KCNAB1: variants seen among roughly 807,000 people sequenced by gnomAD.
KCNAB1 encodes voltage-gated potassium channel subunit beta-1.
Under a neutral mutation model 64.6 loss-of-function variants are expected in KCNAB1, and 35 were observed. The observed-to-expected ratio is 0.54, with a 90% CI of 0.41 to 0.72. The LOEUF is 0.72. KCNAB1 is among the 30% of genes least tolerant of loss of function. The pLI is 0.00. For synonymous variants in KCNAB1, 177 were observed against 183.8 expected (o/e 0.96, Z 0.30); for missense variants, 401 against 512.9 (o/e 0.78, Z 2.11).
intron 11 of KCNAB1, among the ~76,000 whole-genome samples, chr3:156,522,811 T>C (rs1470036397): frequency 7.3e-6 from 1 of 136,710 alleles, no homozygotes; most frequent in Non-Finnish European, 1.6e-5. Flanking sequence ...TCTGGGAAGA[T>C]AAAGATCTGC....
At chr3:156,414,724 G>A (rs1392234060) in intron 1 of KCNAB1, among the ~76,000 whole-genome samples, 1 of 152,200 alleles carries the variant, frequency 6.6e-6, no homozygotes, top group African/African-American at 2.4e-5. Context: ...TCTGATTTAA[G>A]ACTTTTTGAG....
chr3:156,468,411 A>G (rs1394887805), intron 7 of KCNAB1, among the ~76,000 whole-genome samples: 2 of 151,950 alleles, frequency 1.3e-5, no homozygotes, highest in Non-Finnish European at 2.9e-5. Context: ...ATTGTTTCCA[A>G]AGTCTTTGTA....
At chr3:156,466,339 A>G (rs540907767) in intron 7 of KCNAB1, among the ~76,000 whole-genome samples, 1 of 152,130 alleles carries the variant, frequency 6.6e-6, no homozygotes, top group African/African-American at 2.4e-5. Context: ...ATAGTCCACT[A>G]TATGGATAGC....
chr3:156,150,728 CT>C (rs1289866576), intron 1 of KCNAB1, among the ~76,000 whole-genome samples: 7 of 152,134 alleles, frequency 4.6e-5, no homozygotes, highest in African/African-American at 1.2e-4. Context: ...TAGCAGAAAA[CT>C]TTATTCAGAC....
intron 1 of KCNAB1, among the ~76,000 whole-genome samples, chr3:156,298,276 G>A (rs1182645552): frequency 6.6e-6 from 1 of 152,206 alleles, no homozygotes; most frequent in Non-Finnish European, 1.5e-5. Context: ...GTGGGGCTGT[G>A]TATGTGTGTG....
At chr3:156,216,859 C>T (rs1715356326) in intron 1 of KCNAB1, 2 of 152,236 alleles carry the variant, frequency 1.3e-5, no homozygotes, top group African/African-American at 2.4e-5. Context: ...TTTAAGCCCA[C>T]ATCTGTTTGT....
chr3:156,497,323 T>C (rs1474662129), intron 8 of KCNAB1, among the ~76,000 whole-genome samples: 1 of 152,216 alleles, frequency 6.6e-6, no homozygotes. Context: ...TCTACACTAT[T>C]AAAGGAGCAA....
intron 5 of KCNAB1, 102 bp from the exon 6 acceptor site, chr3:156,463,600 G>A (rs1713109422): frequency 2.2e-6 from 2 of 915,884 alleles, no homozygotes; most frequent in Non-Finnish European, 3.4e-6. Flanking sequence ...AAAATGTGAG[G>A]TATAATAACA....
intron 1 of KCNAB1, among the ~76,000 whole-genome samples, chr3:156,269,269 G>A (rs1362411699): frequency 6.6e-6 from 1 of 152,104 alleles, no homozygotes; most frequent in Non-Finnish European, 1.5e-5. Flanking sequence ...GGAGCATATT[G>A]TTTAATTTCC....
intron 8 of KCNAB1, among the ~76,000 whole-genome samples, chr3:156,478,893 A>G (rs1714577947): frequency 6.6e-6 from 1 of 152,096 alleles, no homozygotes; most frequent in Non-Finnish European, 1.5e-5. Flanking sequence ...TCTCAAAAGA[A>G]TGGCTGTAAA....
At chr3:156,449,213 T>C (rs909998825) in intron 2 of KCNAB1, among the ~76,000 whole-genome samples, 4 of 152,168 alleles carry the variant, frequency 2.6e-5, no homozygotes, top group African/African-American at 9.7e-5. Context: ...AGGAAAACAA[T>C]TATTGCTATA....
intron 1 of KCNAB1, among the ~76,000 whole-genome samples, chr3:156,250,482 A>G (rs1294802034): frequency 6.6e-6 from 1 of 152,164 alleles, no homozygotes; most frequent in Non-Finnish European, 1.5e-5. Context: ...AGCTAATACC[A>G]TGTATTCATT....
rs1003293629 is a variant in KCNAB1, at chr3:156,537,667, T to A, written c.*920T>A. The A allele has an allele frequency of 3.3e-5, 5 of 152,684 alleles. No homozygotes were observed. Among genetic ancestry groups the A allele is most frequent in the Non-Finnish European group, 7.3e-5 (5 of 68,042 alleles). 9.5% of individuals were successfully genotyped at this position (152,684 alleles called of 1,614,324 possible). A position where few individuals can be genotyped will look rare whatever the true frequency, so the allele number is the denominator to read the frequency against. On this transcript the variant is annotated 3_prime_UTR_variant, in exon 14 of 14. Transcript: ENST00000490337. ...AACCTGCTTTATACTTTCAACTGCTTGTAGGCACAACTTCTGCAAGTTTAA... is the reference window on the plus strand; with the variant it reads ...AACCTGCTTTATACTTTCAACTGCTAGTAGGCACAACTTCTGCAAGTTTAA...
intron 1 of KCNAB1, among the ~76,000 whole-genome samples, chr3:156,140,432 G>A (rs1342199442): frequency 2.0e-5 from 3 of 152,122 alleles, no homozygotes; most frequent in Non-Finnish European, 2.9e-5. Flanking sequence ...CCCTCTTCCC[G>A]GTTGAAGGGC....
rs571275160 is a variant in KCNAB1 at position 156,131,987 on chromosome 3, G to A, written c.275+11101G>A. On this transcript the variant is annotated intron_variant, in intron 1 of 13. Transcript: ENST00000490337. ...CAGAGGCAACATTGACTGGAATTCA[G>A]CCACATGACCACATTCAACTGCAAA... 3.2e-4 allele frequency among the ~76,000 whole-genome samples: 48 copies of A among 152,192 alleles called. 1 individual carries two copies. Among genetic ancestry groups the A allele is most frequent in the Non-Finnish European group, 5.0e-4 (34 of 68,042 alleles).
chr3:156,335,081 G>A (rs746534648), intron 1 of KCNAB1, among the ~76,000 whole-genome samples: 1 of 152,174 alleles, frequency 6.6e-6, no homozygotes, highest in Non-Finnish European at 1.5e-5. Flanking sequence ...CAGTGGCTTT[G>A]CATGACAGAC....
chr3:156,524,663 C>T (rs1008231300), intron 12 of KCNAB1, among the ~76,000 whole-genome samples: 1 of 136,062 alleles, frequency 7.3e-6, no homozygotes, highest in African/African-American at 2.8e-5. Context: ...AGGAGAATGG[C>T]GTGAACCCGA....
rs529647859 is a variant in KCNAB1 at position 156,472,531 on chromosome 3, C to CCT, written c.572-2202_572-2201dup. Among the ~76,000 whole-genome samples the CCT allele has an allele frequency of 1.2e-4, 19 of 152,190 alleles. No individual in the cohort carries two copies. In the South Asian group the frequency reaches 3.3e-3, roughly 27 times the overall value. ...GATTTTTAAAGTGAGTGGATAGTGT[C>CCT]CTTTAGAGGGACAATTTCCTTTCAC... is the stretch of plus-strand genomic sequence containing the variant. On this transcript the variant is annotated intron_variant, in intron 7 of 13. Transcript: ENST00000490337.
At chr3:156,532,042 C>T (rs1216589284) in intron 13 of KCNAB1, among the ~76,000 whole-genome samples, 1 of 152,194 alleles carries the variant, frequency 6.6e-6, no homozygotes, top group Non-Finnish European at 1.5e-5. Flanking sequence ...GTACTTACTA[C>T]ATGTCCCTTA....
Sources: allele counts gnomAD v4.1 joint callset (sites outside exome capture counted in the v4.1 genomes callset), GRCh38; gene constraint gnomAD v4.1.1; transcripts MANE v1.5; gene names NCBI Gene and HGNC (gene_info 2026-07-23, HGNC 2026-07-21).